NXPE2: variants seen among roughly 807,000 people sequenced by gnomAD.
The protein encoded by NXPE2 is neurexophilin and PC-esterase domain family member 2.
NXPE2 carries 34 observed loss-of-function variants against 34.4 expected under a neutral mutation model. The ratio of observed to expected loss-of-function variants is 0.99; its 90% CI spans 0.75 to 1.31. NXPE2 has a LOEUF of 1.31. NXPE2 is among the 40% of genes most tolerant of loss of function. NXPE2 has a pLI of 0.00. For synonymous variants in NXPE2, 235 were observed against 231.3 expected (o/e 1.02, Z -0.15); for missense variants, 649 against 672.5 (o/e 0.97, Z 0.39).
the NXPE2 span, among the ~76,000 whole-genome samples, chr11:114,483,641 T>C: frequency 1.3e-5 from 2 of 152,224 alleles, no homozygotes; most frequent in Non-Finnish European, 2.9e-5. Context: ...GTTCCTGTTG[T>C]TGATGGGTAG....
the NXPE2 span, among the ~76,000 whole-genome samples, chr11:114,765,347 A>G: frequency 2.0e-5 from 3 of 152,222 alleles, no homozygotes; most frequent in Non-Finnish European, 4.4e-5. Flanking sequence ...TAGCAAGTCT[A>G]CAGGTGCCAT....
the NXPE2 span, among the ~76,000 whole-genome samples, chr11:114,639,317 G>A: frequency 1.3e-5 from 2 of 152,022 alleles, no homozygotes; most frequent in South Asian, 2.1e-4. Context: ...TAAGCCCGTC[G>A]GAAAAGTGCA....
the NXPE2 span, chr11:114,571,206 T>C: frequency 9.9e-6 from 16 of 1,614,050 alleles, no homozygotes; most frequent in Non-Finnish European, 1.4e-5. Context: ...CTGAATGGCT[T>C]TGTGGACATT....
the NXPE2 span, among the ~76,000 whole-genome samples, chr11:114,656,271 A>T: frequency 1.2e-4 from 19 of 152,292 alleles, no homozygotes; most frequent in East Asian, 2.9e-3. Flanking sequence ...TACTCAAGGA[A>T]ATAAGGGAGG....
At chr11:114,720,210 C>T in the NXPE2 span, among the ~76,000 whole-genome samples, 2 of 152,096 alleles carry the variant, frequency 1.3e-5, no homozygotes, top group African/African-American at 4.8e-5. Flanking sequence ...TGAATGGTTT[C>T]TTATGAATAT....
chr11:114,558,280 T>G, the NXPE2 span, among the ~76,000 whole-genome samples: 2 of 152,174 alleles, frequency 1.3e-5, no homozygotes, highest in Non-Finnish European at 1.5e-5. Context: ...TCCAAACAAA[T>G]ATCTGTGGCT....
the NXPE2 span, among the ~76,000 whole-genome samples, chr11:114,610,496 A>C: frequency 0.043 from 6,468 of 151,954 alleles, 462 homozygotes; most frequent in African/African-American, 0.15. Flanking sequence ...CCCAGTGGAT[A>C]ATAAGTGTTG....
chr11:114,483,957 A>G, the NXPE2 span, among the ~76,000 whole-genome samples: 2 of 152,066 alleles, frequency 1.3e-5, no homozygotes, highest in Admixed American at 6.6e-5. Context: ...TGAGTGTCTG[A>G]TGCTATTCTT....
the NXPE2 span, among the ~76,000 whole-genome samples, chr11:114,809,181 A>G: frequency 6.6e-6 from 1 of 152,078 alleles, no homozygotes; most frequent in Non-Finnish European, 1.5e-5. Flanking sequence ...TTAGGTATTG[A>G]TGGGACGTAT....
At chr11:114,773,393 C>G in the NXPE2 span, among the ~76,000 whole-genome samples, 1 of 151,732 alleles carries the variant, frequency 6.6e-6, no homozygotes. Flanking sequence ...ACCCCCCGCC[C>G]CTTTGCCCTT....
chr11:114,554,790 A>C, the NXPE2 span, among the ~76,000 whole-genome samples: 4 of 152,208 alleles, frequency 2.6e-5, no homozygotes, highest in Admixed American at 2.6e-4. Context: ...GAGATTACTA[A>C]ACTTTATTTA....
chr11:114,778,922 G>A, the NXPE2 span, among the ~76,000 whole-genome samples: 1 of 152,298 alleles, frequency 6.6e-6, no homozygotes, highest in Admixed American at 6.5e-5. Flanking sequence ...AACCCGTTGT[G>A]GCTTTAAAGT....
At chr11:114,587,841 T>C in the NXPE2 span, among the ~76,000 whole-genome samples, 1 of 152,328 alleles carries the variant, frequency 6.6e-6, no homozygotes, top group Admixed American at 6.5e-5. Flanking sequence ...CCTTTGACCC[T>C]GAGACTGAAG....
the NXPE2 span, among the ~76,000 whole-genome samples, chr11:114,804,194 G>T: frequency 2.6e-5 from 4 of 151,036 alleles, no homozygotes; most frequent in African/African-American, 9.7e-5. Context: ...AGCTCATCAA[G>T]TATCAGGGAA....
the NXPE2 span, chr11:114,594,915 G>A: frequency 4.9e-5 from 27 of 555,662 alleles, no homozygotes; most frequent in South Asian, 3.5e-4. Flanking sequence ...CTTCACCCCC[G>A]CAAGCTGTAC....
At chr11:114,489,694 G>T in the NXPE2 span, among the ~76,000 whole-genome samples, 1 of 152,214 alleles carries the variant, frequency 6.6e-6, no homozygotes, top group South Asian at 2.1e-4. Flanking sequence ...ATTAGGTATT[G>T]ATGGGACATA....
the NXPE2 span, among the ~76,000 whole-genome samples, chr11:114,535,179 C>T: frequency 2.6e-5 from 4 of 152,238 alleles, no homozygotes; most frequent in South Asian, 8.3e-4. Context: ...TCCAACCAAA[C>T]TAAGCTTCAT....
rs1302683940 is a variant in NXPE2 at position 114,705,841 on chromosome 11, A to G, written c.989A>G (p.Tyr330Cys). The change falls in exon 5 of 6, where the codon TAT (tyrosine) becomes TGT (cysteine). Residue 330 changes from tyrosine (Y) to cysteine (C), a missense_variant. By Grantham distance (194) the Tyr-to-Cys change is radical. Coordinates refer to ENST00000389586, the MANE Select transcript of NXPE2 (RefSeq NM_182495.6). The part of the protein sequence containing the change: ...IGMKTPFPSG[Y>C]TLKKMWITAF... ...ATGAAGACTCCTTTCCCCAGTGGTT[A>G]TACTTTGAAAAAAATGTGGATTACA... The G allele has an allele frequency of 6.5e-7, 1 of 1,543,532 alleles. No homozygotes were observed. Among genetic ancestry groups the G allele is most frequent in the Non-Finnish European group, 8.7e-7 (1 of 1,143,772 alleles).
At chr11:114,729,239 G>C in the NXPE2 span, among the ~76,000 whole-genome samples, 1 of 152,128 alleles carries the variant, frequency 6.6e-6, no homozygotes, top group African/African-American at 2.4e-5. Context: ...TGCTGCAAAA[G>C]ACATGATTTC....
Sources: allele counts gnomAD v4.1 joint callset (sites outside exome capture counted in the v4.1 genomes callset), GRCh38; gene constraint gnomAD v4.1.1; transcripts MANE v1.5; gene names NCBI Gene and HGNC (gene_info 2026-07-23, HGNC 2026-07-21).